PAK3: variants seen among roughly 807,000 people sequenced by gnomAD.
PAK3 encodes p21 (RAC1) activated kinase 3.
PAK3 carries 4 observed loss-of-function variants against 41.0 expected under a neutral mutation model. That is an observed-to-expected ratio of 0.10 (90% CI 0.05 to 0.22). The LOEUF (loss-of-function observed/expected upper bound fraction) is 0.22, where lower values mean the gene tolerates loss of function less well. Ranked by LOEUF, PAK3 falls within the 10% of genes least tolerant of loss-of-function variation. PAK3 has a pLI of 1.00. For synonymous variants in PAK3, 146 were observed against 139.6 expected (o/e 1.05, Z -0.32); for missense variants, 205 against 409.9 (o/e 0.50, Z 4.32).
At chrX:110,962,678 C>T (rs1305754501) in intron 1 of PAK3, among the ~76,000 whole-genome samples, 1 of 112,489 alleles carries the variant, frequency 8.9e-6, no homozygotes, top group Non-Finnish European at 1.9e-5. Context: ...AGGGCCAAGC[C>T]GCCAAGCCTC....
At chrX:111,084,629 C>A (rs1012699000) in intron 1 of PAK3, among the ~76,000 whole-genome samples, 2 of 111,673 alleles carry the variant, frequency 1.8e-5, no homozygotes, top group African/African-American at 6.6e-5. Flanking sequence ...ATGGATGACA[C>A]CCATTTTTTT....
intron 1 of PAK3, among the ~76,000 whole-genome samples, chrX:111,089,936 C>T (rs1008778289): frequency 9.0e-6 from 1 of 110,817 alleles, no homozygotes; most frequent in African/African-American, 3.3e-5. Context: ...ACCTATGTAG[C>T]GTCCGTAGCA....
intron 1 of PAK3, among the ~76,000 whole-genome samples, chrX:111,061,198 A>G (rs762690412): frequency 8.9e-6 from 1 of 112,268 alleles, no homozygotes; most frequent in East Asian, 2.8e-4. Context: ...ATTTATTTAA[A>G]TGTATTTTTT....
chrX:111,050,673 G>A (rs2092548851), intron 1 of PAK3, among the ~76,000 whole-genome samples: 1 of 111,918 alleles, frequency 8.9e-6, no homozygotes, highest in Admixed American at 9.4e-5. Context: ...AGCAGCTGTT[G>A]GCAGCAATCT....
At chrX:111,210,532 C>G (rs2094807799) in intron 16 of PAK3, among the ~76,000 whole-genome samples, 1 of 111,895 alleles carries the variant, frequency 8.9e-6, no homozygotes, top group Non-Finnish European at 1.9e-5. Context: ...TGCATATCTT[C>G]TTAGATTTTA....
At chrX:111,010,332 G>A (rs746503702) in intron 1 of PAK3, among the ~76,000 whole-genome samples, 30 of 111,651 alleles carry the variant, frequency 2.7e-4, no homozygotes, top group Admixed American at 6.6e-4. Flanking sequence ...TGATAACCCC[G>A]GGAAGCTGCA....
chrX:110,977,161 C>A (rs939687698), intron 1 of PAK3, among the ~76,000 whole-genome samples: 49 of 110,309 alleles, frequency 4.4e-4, no homozygotes, highest in Admixed American at 2.1e-3. Flanking sequence ...TTCACTCTTT[C>A]ACCATTGCGA....
chrX:110,998,824 G>A (rs991555430), intron 1 of PAK3, among the ~76,000 whole-genome samples: 1 of 112,321 alleles, frequency 8.9e-6, no homozygotes, highest in African/African-American at 3.2e-5. Flanking sequence ...ATAAACAAAA[G>A]TAGATGTCAA....
chrX:111,124,186 A>G (rs1041010230), intron 5 of PAK3, among the ~76,000 whole-genome samples: 1 of 112,297 alleles, frequency 8.9e-6, no homozygotes, highest in Non-Finnish European at 1.9e-5. Context: ...AACTATTAGT[A>G]TGGCCAGTAC....
intron 1 of PAK3, among the ~76,000 whole-genome samples, chrX:111,035,235 T>A (rs2092388081): frequency 9.1e-6 from 1 of 109,996 alleles, no homozygotes; most frequent in East Asian, 2.9e-4. Flanking sequence ...GAGGCTCAAC[T>A]AAGATGTCAG....
intron 1 of PAK3, among the ~76,000 whole-genome samples, chrX:111,001,455 T>G (rs1049042168): frequency 4.5e-5 from 5 of 112,301 alleles, no homozygotes; most frequent in African/African-American, 6.5e-5. Context: ...AGTGTGGCAC[T>G]GGTATCACAC....
chrX:111,219,642 GTCATACACTA>G (rs371923613), intron 17 of PAK3, among the ~76,000 whole-genome samples: 132 of 111,241 alleles, frequency 1.2e-3, no homozygotes, highest in African/African-American at 4.1e-3. Context: ...AAGAGATCAG[GTCATACACTA>G]TGGATTTAGG....
At chrX:111,084,631 C>A (rs903460334) in intron 1 of PAK3, among the ~76,000 whole-genome samples, 6 of 111,715 alleles carry the variant, frequency 5.4e-5, no homozygotes, top group Non-Finnish European at 1.1e-4. Flanking sequence ...GGATGACACC[C>A]ATTTTTTTTC....
At chrX:111,063,947 A>T (rs927347811) in intron 1 of PAK3, among the ~76,000 whole-genome samples, 1 of 111,945 alleles carries the variant, frequency 8.9e-6, no homozygotes, top group East Asian at 2.8e-4. Context: ...GGACTCCAAG[A>T]CTAACTTGAT....
chrX:111,202,418 T>C (rs1052151646), intron 16 of PAK3, among the ~76,000 whole-genome samples: 20 of 111,380 alleles, frequency 1.8e-4, no homozygotes, highest in Admixed American at 1.1e-3. Context: ...CTCAACATAA[T>C]TGGCCTTGGA....
chrX:110,948,917 A>G (rs1039135663), intron 1 of PAK3, among the ~76,000 whole-genome samples: 8 of 112,225 alleles, frequency 7.1e-5, no homozygotes, highest in African/African-American at 2.6e-4. Context: ...ATGCTTGTTC[A>G]GTGGGGGACA....
At chrX:111,098,324 G>A (rs1382366491) in intron 3 of PAK3, among the ~76,000 whole-genome samples, 1 of 34,797 alleles carries the variant, frequency 2.9e-5, no homozygotes, top group Non-Finnish European at 5.9e-5. Flanking sequence ...AAAGAAGGTG[G>A]CCAAGGCAAA....
chrX:110,981,117 G>A (rs2091440281), intron 1 of PAK3, among the ~76,000 whole-genome samples: 1 of 111,402 alleles, frequency 9.0e-6, no homozygotes, highest in Non-Finnish European at 1.9e-5. Context: ...TTGCTTCTGA[G>A]GCCTTCATTT....
At chrX:111,164,828 A>C (rs1330893042) in intron 10 of PAK3, among the ~76,000 whole-genome samples, 2 of 112,075 alleles carry the variant, frequency 1.8e-5, no homozygotes, top group Non-Finnish European at 3.8e-5. Flanking sequence ...ATACGATTTA[A>C]TAGTATGATA....
Sources: allele counts gnomAD v4.1 joint callset (sites outside exome capture counted in the v4.1 genomes callset), GRCh38; gene constraint gnomAD v4.1.1; transcripts MANE v1.5; gene names NCBI Gene and HGNC (gene_info 2026-07-23, HGNC 2026-07-21).